The following ASB15 variants were observed in gnomAD, a reference collection of about 807,000 sequenced individuals.
ASB15 encodes the protein ankyrin repeat and SOCS box containing 15.
In ASB15, 54 loss-of-function variants were observed where a neutral mutation model predicts 58.0. That is an observed-to-expected ratio of 0.93 (90% CI 0.75 to 1.17). The LOEUF (loss-of-function observed/expected upper bound fraction) is 1.17, where lower values mean the gene tolerates loss of function less well. Among genes scored for constraint, ASB15 ranks in the 50% most tolerant of loss-of-function variants. The pLI is 0.00. For missense variants in ASB15, 680 were observed against 707.4 expected, an observed-to-expected ratio of 0.96 and a Z score of 0.44; for synonymous variants, 249 against 262.4, an observed-to-expected ratio of 0.95 and a Z score of 0.50.
chr7:123,633,636 C>T (rs1010534883), intron 11 of ASB15, among the ~76,000 whole-genome samples: 2 of 151,398 alleles, frequency 1.3e-5, no homozygotes. Context: ...TGTGTGTGCA[C>T]GCGCGCGCAC....
chr7:123,597,116 G>A (rs769281837), upstream of ASB15, among the ~76,000 whole-genome samples: 4 of 152,154 alleles, frequency 2.6e-5, no homozygotes, highest in Admixed American at 2.6e-4. Flanking sequence ...AAAAATCCTA[G>A]CAATAAACAA....
chr7:123,575,232 T>G (rs918916007), intron 1 of ASB15, among the ~76,000 whole-genome samples: 1 of 152,090 alleles, frequency 6.6e-6, no homozygotes, highest in African/African-American at 2.4e-5. Flanking sequence ...CAACACCTAT[T>G]AGTTCCCTAC....
At chr7:123,620,558 T>A (rs71574754) in intron 7 of ASB15, among the ~76,000 whole-genome samples, 221 of 15,392 alleles carry the variant, frequency 0.014, no homozygotes, top group South Asian at 0.021. Flanking sequence ...ATATATATTT[T>A]TTTTTTTTTT....
intron 7 of ASB15, 79 bp downstream of exon 7, chr7:123,617,816 T>C (rs903722978): frequency 1.5e-6 from 2 of 1,359,334 alleles, no homozygotes; most frequent in African/African-American, 1.5e-5. Flanking sequence ...GTATAATGGC[T>C]AAAATTGTGA....
At chr7:123,614,455 C>T (rs1800668359) in intron 3 of ASB15, 46 bp from the exon 4 acceptor site, 1 of 1,205,710 alleles carries the variant, frequency 8.3e-7, no homozygotes. Flanking sequence ...CTGTTTTGGG[C>T]CATTTCTTGA....
intron 3 of ASB15, among the ~76,000 whole-genome samples, chr7:123,613,441 G>A (rs577833025): frequency 1.3e-5 from 2 of 152,188 alleles, no homozygotes; most frequent in South Asian, 2.1e-4. Flanking sequence ...TTTACTAAAT[G>A]TCCTCTCTAA....
chr7:123,628,483 C>G (rs573041226), intron 9 of ASB15, among the ~76,000 whole-genome samples: 2 of 152,162 alleles, frequency 1.3e-5, no homozygotes, highest in Admixed American at 6.5e-5. Context: ...GATTATGAAG[C>G]ATTCCTCTGT....
intron 7 of ASB15, chr7:123,622,826 GA>G (rs1005310950): frequency 3.9e-5 from 6 of 152,178 alleles, no homozygotes; most frequent in African/African-American, 1.4e-4. Flanking sequence ...GCAATTCAGA[GA>G]GAGGCATTTG....
chr7:123,586,753 A>G (rs548369264), intron 1 of ASB15, among the ~76,000 whole-genome samples: 1 of 151,778 alleles, frequency 6.6e-6, no homozygotes, highest in East Asian at 1.9e-4. Flanking sequence ...GATAAGGGTT[A>G]ATTTCATATA....
intron 1 of ASB15, among the ~76,000 whole-genome samples, chr7:123,592,056 A>G (rs1489997061): frequency 2.6e-5 from 4 of 152,046 alleles, no homozygotes; most frequent in African/African-American, 9.7e-5. Context: ...GAATTTATCC[A>G]TTTCTTCTAG....
rs116713028 is a variant in ASB15, at chr7:123,631,166, T to C, written c.1594+1047T>C. Among the ~76,000 whole-genome samples, 1,331 of 152,320 alleles carry C rather than the reference T, an allele frequency of 8.7e-3. 19 individuals carry two copies. The highest frequency in any genetic ancestry group is 0.03 in the African/African-American group (1,259 of 41,568). ...TTTATTTCCTATAAAAAGACCAAGA[T>C]AGCCATCCTAGTTGTGTGACTTTGA... On this transcript the variant is annotated intron_variant, in intron 11 of 11. Coordinates refer to ENST00000451215, the MANE Select transcript of ASB15 (RefSeq NM_001290258.2).
intron 1 of ASB15, among the ~76,000 whole-genome samples, chr7:123,572,857 T>C (rs1057462078): frequency 2.0e-5 from 3 of 152,162 alleles, no homozygotes; most frequent in Admixed American, 1.3e-4. Context: ...TGCTTCTCTT[T>C]GCTTTCTATA....
chr7:123,572,131 C>CTT lies in ASB15; in HGVS notation c.-443+5070_-443+5071dup, dbSNP rs61198371. On this transcript the variant is annotated intron_variant, in intron 1 of 13. Coordinates refer to the ASB15 transcript ENST00000451558. ...TGATTTTACAGTGATTGTAGAATTTCTTTTTTTTTTTTTTTTTTTTTTTTT... is the reference window on the plus strand; with the variant it reads ...TGATTTTACAGTGATTGTAGAATTTCTTTTTTTTTTTTTTTTTTTTTTTTTTT... Among the ~76,000 whole-genome samples, 105 of 48,006 alleles carry CTT rather than the reference C, an allele frequency of 2.2e-3. 8 individuals carry two copies. Among genetic ancestry groups the CTT allele is most frequent in the African/African-American group, 3.4e-3 (39 of 11,368 alleles). 31.5% of individuals were successfully genotyped at this position (48,006 alleles called of 152,430 possible).
chr7:123,615,584 A>G (rs1477875376), intron 4 of ASB15: 1 of 152,184 alleles, frequency 6.6e-6, no homozygotes, highest in Non-Finnish European at 1.5e-5. Context: ...CTTAACAAAC[A>G]CACACACCAG....
At position 123,617,836 on chromosome 7, in the gene ASB15, C is replaced by T; in HGVS notation, c.451+99C>T. ...ATGGCTAAAATTGTGATCTCAGTTC[C>T]TTCCATTCCCTGAGCTACTTGCCTA... On this transcript the variant is annotated intron_variant, in intron 7 of 11. Transcript: ENST00000451215. 8.3e-6 allele frequency: 10 copies of T among 1,198,848 alleles called. No homozygotes were observed. In the South Asian group the frequency reaches 1.4e-4, roughly 17 times the overall value. The allele number at this position is 1,198,848 out of a possible 1,614,324, so 74.3% of individuals were successfully genotyped here. A position where few individuals can be genotyped will look rare whatever the true frequency, so the allele number is the denominator to read the frequency against.
At chr7:123,601,338 T>C (rs1799873273), upstream of ASB15, among the ~76,000 whole-genome samples, 1 of 152,192 alleles carries the variant, frequency 6.6e-6, no homozygotes, top group Non-Finnish European at 1.5e-5. Flanking sequence ...TAGATGTCAC[T>C]GACTGCCCTA....
intron 2 of ASB15, among the ~76,000 whole-genome samples, chr7:123,604,512 G>A (rs184059775): frequency 1.3e-5 from 2 of 151,914 alleles, no homozygotes; most frequent in Non-Finnish European, 2.9e-5. Context: ...AACCTGGGAG[G>A]TGGATGTTGC....
intron 1 of ASB15, among the ~76,000 whole-genome samples, chr7:123,603,791 G>C (rs1800004550): frequency 6.6e-6 from 1 of 152,190 alleles, no homozygotes; most frequent in African/African-American, 2.4e-5. Flanking sequence ...CAATTGCACA[G>C]AAAACAACGT....
chr7:123,578,720 C>T (rs1039310865), intron 1 of ASB15, among the ~76,000 whole-genome samples: 1 of 152,030 alleles, frequency 6.6e-6, no homozygotes, highest in Non-Finnish European at 1.5e-5. Context: ...ACATTGAATG[C>T]ACGGTTAGAA....
Sources: allele counts gnomAD v4.1 joint callset (sites outside exome capture counted in the v4.1 genomes callset), GRCh38; gene constraint gnomAD v4.1.1; transcripts MANE v1.5; gene names NCBI Gene and HGNC (gene_info 2026-07-23, HGNC 2026-07-21).